The following FNIP2 variants were observed in gnomAD, a reference collection of about 807,000 sequenced individuals.
The protein encoded by FNIP2 is folliculin interacting protein 2.
Under a neutral mutation model 108.7 loss-of-function variants are expected in FNIP2, and 32 were observed. The observed-to-expected ratio is 0.29, with a 90% CI of 0.22 to 0.40. The LOEUF is 0.40. Ranked by LOEUF, FNIP2 falls within the 10% of genes least tolerant of loss-of-function variation. The probability of loss-of-function intolerance (pLI) is 1.00; values close to 1 mark genes in which losing one functional copy is unlikely to be tolerated. For missense variants in FNIP2, 1,202 were observed against 1,381.6 expected, an observed-to-expected ratio of 0.87 and a Z score of 2.06; for synonymous variants, 480 against 496.7, an observed-to-expected ratio of 0.97 and a Z score of 0.45.
At chr4:158,783,925 A>G (rs1776133232) in intron 1 of FNIP2, among the ~76,000 whole-genome samples, 1 of 152,352 alleles carries the variant, frequency 6.6e-6, no homozygotes, top group Admixed American at 6.5e-5. Flanking sequence ...AGGAATGTAC[A>G]TGAGTCACAT....
chr4:158,882,519 C>T (rs746915796), intron 14 of FNIP2, among the ~76,000 whole-genome samples: 1 of 152,230 alleles, frequency 6.6e-6, no homozygotes, highest in Admixed American at 6.5e-5. Flanking sequence ...TCATTGAGAA[C>T]GGGCCATGAT....
chr4:158,829,131 G>A lies in FNIP2; in HGVS notation c.287G>A (p.Ser96Asn), dbSNP rs1486628173. Residue 96 changes from serine (S) to asparagine (N), a missense_variant, in exon 3 of 17, where the codon AGC becomes AAC. Physicochemically the swap from Ser to Asn is conservative, Grantham distance 46. Around this residue, in one of 5 missense-constraint regions of FNIP2, gnomAD observed 173 missense variants for 165.9 expected, o/e 1.04. Transcript: ENST00000264433. ...KISAKCCQGS[S>N]SVSSSSSSSI... ...TCAGCCAAGTGCTGCCAGGGAAGCA[G>A]CAGTGTCAGCAGCAGTAGCAGCAGC... 1.2e-6 allele frequency: 2 copies of A among 1,612,586 alleles called. No homozygotes were observed. Among genetic ancestry groups the A allele is most frequent in the African/African-American group, 2.7e-5 (2 of 74,900 alleles).
rs116590085 is a variant in FNIP2, at chr4:158,847,909, C to T, written c.728-3412C>T. Among the ~76,000 whole-genome samples the T allele has an allele frequency of 6.6e-3, 1,012 of 152,286 alleles. 7 individuals carry two copies. The highest frequency in any genetic ancestry group is 0.023 in the African/African-American group (936 of 41,560). On this transcript the variant is annotated intron_variant, in intron 7 of 16. Coordinates refer to ENST00000264433, the MANE Select transcript of FNIP2 (RefSeq NM_020840.3). ...GTGGTGGACATGGAGAGAGACTCCT[C>T]TGCCTGGGGACAGGAGAGGGAAGAG...
intron 13 of FNIP2, among the ~76,000 whole-genome samples, chr4:158,869,794 A>C (rs566381799): frequency 6.6e-6 from 1 of 152,304 alleles, no homozygotes; most frequent in South Asian, 2.1e-4. Flanking sequence ...CTTGCTTCAG[A>C]GGTGGTGGAT....
At position 158,859,854 on chromosome 4, in the gene FNIP2, C is replaced by G. The variant is rs532645614; in HGVS notation, c.1148+188C>G. On this transcript the variant is annotated intron_variant, in intron 10 of 16. Coordinates refer to ENST00000264433, the MANE Select transcript of FNIP2 (RefSeq NM_020840.3). Reference sequence around the variant, plus strand: ...ATAATTTACCGCTGAGTAATCCTCACTATTGCTCAACCGACAGTCCCTGAT... The same window carrying G: ...ATAATTTACCGCTGAGTAATCCTCAGTATTGCTCAACCGACAGTCCCTGAT... Among the ~76,000 whole-genome samples, 10 of 152,324 alleles carry G rather than the reference C, an allele frequency of 6.6e-5. No individual in the cohort carries two copies. In the South Asian group the frequency reaches 1.7e-3, roughly 25 times the overall value.
chr4:158,848,605 C>T (rs993675066), intron 7 of FNIP2, among the ~76,000 whole-genome samples: 2 of 152,136 alleles, frequency 1.3e-5, no homozygotes, highest in East Asian at 1.9e-4. Context: ...TCCAGGATCA[C>T]GTTACCTCAC....
intron 1 of FNIP2, among the ~76,000 whole-genome samples, chr4:158,811,610 A>G (rs1777277095): frequency 6.6e-6 from 1 of 152,162 alleles, no homozygotes; most frequent in South Asian, 2.1e-4. Flanking sequence ...TCAACTTCAG[A>G]TCCACTGAAC....
At position 158,901,708 on chromosome 4, in the gene FNIP2, T is replaced by C. The variant is rs544101201; in HGVS notation, c.3267-2758T>C. ...GTTTGTTTTCATTTTTTCTGTAATC[T>C]TGTCTTCACGCTTTATTTCATTAAG... On this transcript the variant is annotated intron_variant, in intron 16 of 16. Coordinates refer to ENST00000264433, the MANE Select transcript of FNIP2 (RefSeq NM_020840.3). Among the ~76,000 whole-genome samples, 6 of 152,096 alleles carry C rather than the reference T, an allele frequency of 3.9e-5. No individual in the cohort carries two copies. The South Asian group carries it at 1.2e-3, about 32-fold the overall frequency.
intron 14 of FNIP2, chr4:158,889,963 A>G (rs1782202294): frequency 3.0e-6 from 3 of 985,260 alleles, no homozygotes; most frequent in South Asian, 9.4e-5. Context: ...GAGACTGTAT[A>G]TATGCATGTG....
intron 14 of FNIP2, among the ~76,000 whole-genome samples, chr4:158,887,736 C>CAAAA (rs10645281): frequency 0.042 from 3,178 of 76,452 alleles, 234 homozygotes; most frequent in African/African-American, 0.13. Context: ...GACTCTGTCT[C>CAAAA]AAAAAAAAAA....
intron 12 of FNIP2, among the ~76,000 whole-genome samples, chr4:158,863,223 T>C (rs1780394278): frequency 6.6e-6 from 1 of 152,250 alleles, no homozygotes; most frequent in Non-Finnish European, 1.5e-5. Context: ...TGGCCGAGTT[T>C]CCATTATTAC....
intron 12 of FNIP2, among the ~76,000 whole-genome samples, chr4:158,866,243 G>T (rs1457494609): frequency 5.2e-3 from 3 of 578 alleles, no homozygotes; most frequent in Non-Finnish European, 0.039. Context: ...TTTTGAGACA[G>T]AGTCTTGCTC....
At chr4:158,781,047 A>G (rs1197643471) in intron 1 of FNIP2, among the ~76,000 whole-genome samples, 4 of 152,036 alleles carry the variant, frequency 2.6e-5, no homozygotes, top group Admixed American at 6.6e-5. Flanking sequence ...AAAAAAAAAA[A>G]AAAGAAAAAA....
intron 3 of FNIP2, among the ~76,000 whole-genome samples, chr4:158,831,599 CAAAT>C (rs1440456344): frequency 6.6e-6 from 1 of 151,884 alleles, no homozygotes; most frequent in African/African-American, 2.4e-5. Flanking sequence ...TCTCATAACA[CAAAT>C]AAAAATGAAC....
chr4:158,850,510 G>A (rs1779638460), intron 7 of FNIP2, among the ~76,000 whole-genome samples: 1 of 151,388 alleles, frequency 6.6e-6, no homozygotes, highest in Admixed American at 6.6e-5. Flanking sequence ...AGACACAGGT[G>A]TAGGCATCTA....
At chr4:158,853,953 AG>A (rs1779842474) in intron 8 of FNIP2, among the ~76,000 whole-genome samples, 1 of 152,226 alleles carries the variant, frequency 6.6e-6, no homozygotes, top group South Asian at 2.1e-4. Context: ...CTCAATTACA[AG>A]GAAAAATTAA....
intron 7 of FNIP2, among the ~76,000 whole-genome samples, chr4:158,838,971 G>A (rs577185245): frequency 5.9e-4 from 90 of 152,260 alleles, no homozygotes; most frequent in African/African-American, 1.8e-3. Flanking sequence ...TGTGGGTTTG[G>A]GGAAGGAAGA....
At chr4:158,800,302 A>C (rs74678904) in intron 1 of FNIP2, among the ~76,000 whole-genome samples, 357 of 152,302 alleles carry the variant, frequency 2.3e-3, no homozygotes, top group African/African-American at 7.8e-3. Context: ...TTTCCAAATA[A>C]AGGGAAATTG....
intron 14 of FNIP2, chr4:158,889,881 G>A (rs1782198703): frequency 1.0e-6 from 1 of 985,064 alleles, no homozygotes; most frequent in Non-Finnish European, 1.2e-6. Flanking sequence ...TTATAACACA[G>A]GATGAACAAG....
Sources: gnomAD v4.1 joint callset for allele counts (sites outside exome capture counted in the v4.1 genomes callset) on GRCh38, gnomAD v4.1.1 for gene constraint, gnomAD v4.1.1 regional missense constraint, MANE v1.5 for transcripts, NCBI Gene and HGNC (gene_info 2026-07-23, HGNC 2026-07-21) for gene names.